Variants in SIPA1L3 observed in about 807,000 individuals in gnomAD.
SIPA1L3 encodes signal induced proliferation associated 1 like 3, also known as signal-induced proliferation-associated 1-like protein 3.
In SIPA1L3, 59 loss-of-function variants were observed where a neutral mutation model predicts 150.1. That is an observed-to-expected ratio of 0.39 (90% CI 0.32 to 0.49). The LOEUF is 0.49. Ranked by LOEUF, SIPA1L3 falls within the 20% of genes least tolerant of loss-of-function variation. The pLI is 0.86. For synonymous variants in SIPA1L3, 1,070 were observed against 1,077.6 expected, an observed-to-expected ratio of 0.99 and a Z score of 0.14; for missense variants, 2,211 against 2,489.5, an observed-to-expected ratio of 0.89 and a Z score of 2.38.
intron 4 of SIPA1L3, among the ~76,000 whole-genome samples, chr19:38,095,884 C>G (rs1970368991): frequency 6.6e-6 from 1 of 152,194 alleles, no homozygotes; most frequent in Admixed American, 6.6e-5. Context: ...GTCCCTCGTT[C>G]CCAGCAGAGG....
At chr19:38,177,755 G>A (rs1434674847) in intron 15 of SIPA1L3, among the ~76,000 whole-genome samples, 2 of 152,210 alleles carry the variant, frequency 1.3e-5, no homozygotes, top group African/African-American at 4.8e-5. Flanking sequence ...GCAGGGCGCA[G>A]TGGCTCATGC....
chr19:38,122,319 A>T (rs891379794), intron 9 of SIPA1L3, among the ~76,000 whole-genome samples: 1 of 152,160 alleles, frequency 6.6e-6, no homozygotes, highest in African/African-American at 2.4e-5. Flanking sequence ...ATAAGGTTTT[A>T]GGGAAAAAAA....
intron 2 of SIPA1L3, among the ~76,000 whole-genome samples, chr19:38,060,167 A>G (rs530288335): frequency 1.3e-5 from 2 of 152,334 alleles, no homozygotes; most frequent in South Asian, 4.1e-4. Context: ...GAGCAACTCT[A>G]AATAACGTGG....
intron 8 of SIPA1L3, among the ~76,000 whole-genome samples, chr19:38,112,154 T>C (rs996834462): frequency 1.5e-4 from 22 of 145,314 alleles, no homozygotes; most frequent in Admixed American, 1.2e-3. Flanking sequence ...CACAGGCACA[T>C]GCATCCACAC....
chr19:38,133,354 C>T (rs1971358245), intron 10 of SIPA1L3, among the ~76,000 whole-genome samples: 1 of 152,240 alleles, frequency 6.6e-6, no homozygotes, highest in Non-Finnish European at 1.5e-5. Context: ...GTCATTCCTT[C>T]TTCATATATT....
chr19:38,162,648 A>G (rs1471407641), intron 14 of SIPA1L3, among the ~76,000 whole-genome samples: 6 of 152,156 alleles, frequency 3.9e-5, no homozygotes, highest in Non-Finnish European at 1.5e-5. Flanking sequence ...ACAGCCCCGA[A>G]TCTCAGTGAC....
chr19:38,120,404 T>G (rs904185305), intron 9 of SIPA1L3, among the ~76,000 whole-genome samples: 2 of 151,896 alleles, frequency 1.3e-5, no homozygotes, highest in Non-Finnish European at 2.9e-5. Context: ...CCCAAGAGGT[T>G]GAGGCCACAG....
At position 37,974,762 on chromosome 19, in the gene SIPA1L3, C is replaced by T. The variant is rs940017825; in HGVS notation, c.-378-54327C>T. 2.0e-5 allele frequency among the ~76,000 whole-genome samples: 3 copies of T among 152,214 alleles called. 1 individual carries two copies. The highest frequency in any genetic ancestry group is 6.5e-5 in the Admixed American group (1 of 15,282). ...CCCTCTGTTCTAACACCCAGTGGTA[C>T]ATCCCCTTCCCCAACAGCACCATCA... On this transcript the variant is annotated intron_variant, in intron 1 of 21. Coordinates refer to ENST00000222345, the MANE Select transcript of SIPA1L3 (RefSeq NM_015073.3).
intron 4 of SIPA1L3, among the ~76,000 whole-genome samples, chr19:38,092,844 G>C (rs1970291403): frequency 6.7e-6 from 1 of 149,824 alleles, no homozygotes; most frequent in Non-Finnish European, 1.5e-5. Flanking sequence ...AGTGTGGCAG[G>C]TGCTTAGATT....
At chr19:37,956,051 G>T (rs1475235300) in intron 1 of SIPA1L3, among the ~76,000 whole-genome samples, 1 of 152,202 alleles carries the variant, frequency 6.6e-6, no homozygotes, top group Non-Finnish European at 1.5e-5. Context: ...ATTCACAGGC[G>T]TGATCATGGC....
intron 15 of SIPA1L3, among the ~76,000 whole-genome samples, chr19:38,181,729 C>T (rs996177088): frequency 6.6e-6 from 1 of 151,636 alleles, no homozygotes; most frequent in Admixed American, 6.6e-5. Flanking sequence ...ATCTGTAATC[C>T]CAGCTACTGG....
At chr19:38,132,117 G>T (rs1301481640) in intron 10 of SIPA1L3, among the ~76,000 whole-genome samples, 6 of 151,908 alleles carry the variant, frequency 3.9e-5, no homozygotes, top group Non-Finnish European at 8.8e-5. Flanking sequence ...CAGTGCAGTT[G>T]TAGCCCCAGC....
chr19:38,170,765 G>A (rs1308117905), intron 15 of SIPA1L3, among the ~76,000 whole-genome samples: 1 of 152,138 alleles, frequency 6.6e-6, no homozygotes, highest in Non-Finnish European at 1.5e-5. Context: ...TGCAGAGCTG[G>A]AGGAGGTGTC....
intron 1 of SIPA1L3, among the ~76,000 whole-genome samples, chr19:37,967,443 G>A (rs2046914264): frequency 2.0e-5 from 3 of 151,864 alleles, no homozygotes; most frequent in South Asian, 2.1e-4. Context: ...TAGTAGAGAC[G>A]GAGTTTCACC....
intron 2 of SIPA1L3, among the ~76,000 whole-genome samples, chr19:38,078,841 G>T (rs946368108): frequency 5.3e-5 from 8 of 152,094 alleles, no homozygotes; most frequent in African/African-American, 1.9e-4. Flanking sequence ...CACAGACGGC[G>T]ACCCACTTTC....
intron 1 of SIPA1L3, among the ~76,000 whole-genome samples, chr19:37,947,280 G>T (rs1391572257): frequency 6.6e-6 from 1 of 151,898 alleles, no homozygotes; most frequent in Non-Finnish European, 1.5e-5. Context: ...ACAAGGTCAG[G>T]AGATCGAGAC....
chr19:37,955,391 CA>C (rs35650003), intron 1 of SIPA1L3, among the ~76,000 whole-genome samples: 267 of 120,426 alleles, frequency 2.2e-3, no homozygotes, highest in Middle Eastern at 4.7e-3. Flanking sequence ...AACTCTGTCT[CA>C]AAAAAAAAAA....
intron 2 of SIPA1L3, among the ~76,000 whole-genome samples, chr19:38,063,175 A>C (rs188770977): frequency 5.3e-5 from 8 of 152,272 alleles, no homozygotes; most frequent in Non-Finnish European, 1.2e-4. Context: ...ATGGATGATT[A>C]CTGCCAGCAG....
intron 13 of SIPA1L3, 84 bp from the exon 14 acceptor site, chr19:38,162,169 A>G: frequency 9.8e-7 from 1 of 1,016,142 alleles, no homozygotes; most frequent in Non-Finnish European, 1.6e-6. Context: ...GTGGGTGAGC[A>G]GACAGTCTGG....
Sources: allele counts gnomAD v4.1 joint callset (sites outside exome capture counted in the v4.1 genomes callset), GRCh38; gene constraint gnomAD v4.1.1; transcripts MANE v1.5; gene names NCBI Gene and HGNC (gene_info 2026-07-23, HGNC 2026-07-21).